Variants in CNTNAP2 observed in about 807,000 individuals in gnomAD.
The protein encoded by CNTNAP2 is contactin associated protein 2.
CNTNAP2 carries 98 observed loss-of-function variants against 155.2 expected under a neutral mutation model. That is an observed-to-expected ratio of 0.63 (90% CI 0.54 to 0.75). The LOEUF (loss-of-function observed/expected upper bound fraction) is 0.75. Among genes scored for constraint, CNTNAP2 ranks in the 30% least tolerant of loss-of-function variants. CNTNAP2 has a pLI of 0.00. For missense variants in CNTNAP2, 1,727 were observed against 1,688.1 expected (o/e 1.02, Z -0.40); for synonymous variants, 651 against 631.2 (o/e 1.03, Z -0.47).
chr7:146,900,766 C>T (rs543494558), intron 3 of CNTNAP2, among the ~76,000 whole-genome samples: 5 of 152,202 alleles, frequency 3.3e-5, no homozygotes, highest in East Asian at 3.9e-4. Flanking sequence ...GCTATCCGAG[C>T]GCAGAATACT....
At chr7:147,164,312 T>A (rs1288435323) in intron 8 of CNTNAP2, among the ~76,000 whole-genome samples, 1 of 152,228 alleles carries the variant, frequency 6.6e-6, no homozygotes, top group Non-Finnish European at 1.5e-5. Flanking sequence ...TGCCTGCAGC[T>A]GCCTCCAGGT....
chr7:146,670,118 A>G (rs1800275982), intron 1 of CNTNAP2, among the ~76,000 whole-genome samples: 1 of 152,174 alleles, frequency 6.6e-6, no homozygotes. Flanking sequence ...TTTCTTTTTA[A>G]GAAGCTAATA....
intron 14 of CNTNAP2, among the ~76,000 whole-genome samples, chr7:147,970,718 T>C (rs1801317345): frequency 6.6e-6 from 1 of 152,196 alleles, no homozygotes; most frequent in African/African-American, 2.4e-5. Flanking sequence ...AATATTACAA[T>C]GATGAATGTT....
In CNTNAP2 at chr7:147,624,821, T is replaced by C. The variant is rs1563027202; in HGVS notation, c.1898-14285T>C. Among the ~76,000 whole-genome samples, 5 of 152,266 alleles carry C rather than the reference T, an allele frequency of 3.3e-5. No individual in the cohort carries two copies. In the East Asian group the frequency reaches 5.8e-4, roughly 18 times the overall value. ...ATCTTTACTCTCATGTTTATTGCAG[T>C]ACTGTTCACAATAGCCAAGATTTGG... On this transcript the variant is annotated intron_variant, in intron 12 of 23. Transcript: ENST00000361727.
chr7:146,926,163 T>G (rs1161795996), intron 3 of CNTNAP2, among the ~76,000 whole-genome samples: 2 of 152,162 alleles, frequency 1.3e-5, no homozygotes, highest in African/African-American at 4.8e-5. Flanking sequence ...TTTCAGAATA[T>G]TTTATTATTA....
intron 13 of CNTNAP2, among the ~76,000 whole-genome samples, chr7:147,695,421 T>C (rs1218971076): frequency 6.6e-6 from 1 of 152,208 alleles, no homozygotes; most frequent in Non-Finnish European, 1.5e-5. Flanking sequence ...TGTTAATTTA[T>C]GGATGAAGGG....
chr7:146,812,790 C>T (rs1386415757), intron 2 of CNTNAP2, among the ~76,000 whole-genome samples: 1 of 152,090 alleles, frequency 6.6e-6, no homozygotes, highest in Non-Finnish European at 1.5e-5. Flanking sequence ...CATCACAGAC[C>T]CAGAGGCCTA....
intron 4 of CNTNAP2, among the ~76,000 whole-genome samples, chr7:147,107,475 G>T (rs889837766): frequency 2.6e-5 from 4 of 152,044 alleles, no homozygotes; most frequent in African/African-American, 9.7e-5. Context: ...GAAGATATCT[G>T]TGTCCAATGT....
intron 13 of CNTNAP2, among the ~76,000 whole-genome samples, chr7:147,698,908 A>G (rs898548104): frequency 6.6e-6 from 1 of 152,190 alleles, no homozygotes; most frequent in Non-Finnish European, 1.5e-5. Flanking sequence ...AAATAAATAA[A>G]TAAATACCTT....
intron 13 of CNTNAP2, among the ~76,000 whole-genome samples, chr7:147,871,027 G>A (rs1257270568): frequency 2.0e-5 from 3 of 152,124 alleles, no homozygotes; most frequent in African/African-American, 7.2e-5. Flanking sequence ...GGCAAAGAAG[G>A]TGTTTGGAGT....
intron 11 of CNTNAP2, among the ~76,000 whole-genome samples, chr7:147,490,139 G>A (rs1235298928): frequency 6.6e-6 from 1 of 152,116 alleles, no homozygotes; most frequent in Non-Finnish European, 1.5e-5. Context: ...TTTATTAAAG[G>A]AGAGATTTTC....
At chr7:146,334,106 T>C (rs1459730319) in intron 1 of CNTNAP2, among the ~76,000 whole-genome samples, 1 of 152,096 alleles carries the variant, frequency 6.6e-6, no homozygotes, top group African/African-American at 2.4e-5. Flanking sequence ...GCAAGAGGCA[T>C]AGAGAAGGTT....
intron 13 of CNTNAP2, among the ~76,000 whole-genome samples, chr7:147,666,081 T>C (rs1795689072): frequency 6.6e-6 from 1 of 152,198 alleles, no homozygotes; most frequent in South Asian, 2.1e-4. Flanking sequence ...ACTAATTTAT[T>C]TTAGCTGTAG....
chr7:148,229,634 T>G lies in CNTNAP2; in HGVS notation c.3248-12T>G, dbSNP rs1181608779. The G allele has an allele frequency of 6.2e-7, 1 of 1,614,088 alleles. No individual in the cohort carries two copies. Among genetic ancestry groups the G allele is most frequent in the South Asian group, 1.1e-5 (1 of 91,078 alleles). On this transcript the variant is annotated splice_polypyrimidine_tract_variant and intron_variant, in intron 19 of 23. Transcript: ENST00000361727. ...GCAAACAAATTACTGAGCTTTCTTT[T>G]TTCTTCTATAGGAAGCTTACAGATT...
At chr7:146,731,058 C>T (rs1801517430) in intron 1 of CNTNAP2, among the ~76,000 whole-genome samples, 1 of 152,128 alleles carries the variant, frequency 6.6e-6, no homozygotes, top group Non-Finnish European at 1.5e-5. Context: ...GTAGCACAAA[C>T]TTGTATTTTA....
intron 8 of CNTNAP2, among the ~76,000 whole-genome samples, chr7:147,198,343 T>C (rs1182657497): frequency 6.6e-6 from 1 of 151,374 alleles, no homozygotes; most frequent in Non-Finnish European, 1.5e-5. Context: ...GCAATTTTCC[T>C]GCCTCAGTCT....
intron 21 of CNTNAP2, among the ~76,000 whole-genome samples, chr7:148,337,766 G>A (rs535623282): frequency 5.6e-4 from 86 of 152,228 alleles, no homozygotes; most frequent in African/African-American, 1.9e-3. Context: ...TTGGACTTTC[G>A]GGACACTTCT....
intron 11 of CNTNAP2, among the ~76,000 whole-genome samples, chr7:147,531,973 A>T (rs538662839): frequency 6.6e-6 from 1 of 151,494 alleles, no homozygotes; most frequent in Non-Finnish European, 1.5e-5. Flanking sequence ...TGTCCGACTA[A>T]TTTTTTTGTA....
chr7:146,742,449 T>C (rs1046957520), intron 1 of CNTNAP2, among the ~76,000 whole-genome samples: 1 of 152,076 alleles, frequency 6.6e-6, no homozygotes, highest in Non-Finnish European at 1.5e-5. Context: ...GTAAAAAATA[T>C]AAATTGGGGT....
Sources: allele counts gnomAD v4.1 joint callset (sites outside exome capture counted in the v4.1 genomes callset), GRCh38; gene constraint gnomAD v4.1.1; transcripts MANE v1.5; gene names NCBI Gene and HGNC (gene_info 2026-07-23, HGNC 2026-07-21).